Variants in CHST15 observed in about 807,000 individuals in gnomAD.
CHST15 encodes B cell RAG associated protein (GALNAC4S-6ST).
In CHST15, 30 loss-of-function variants were observed where a neutral mutation model predicts 53.6. The ratio of observed to expected loss-of-function variants is 0.56; its 90% CI spans 0.42 to 0.76. The LOEUF is 0.76. CHST15 is among the 30% of genes least tolerant of loss of function. The pLI is 0.00. For missense variants in CHST15, 627 were observed against 740.5 expected (o/e 0.85, Z 1.78); for synonymous variants, 296 against 289.8 (o/e 1.02, Z -0.22).
intron 6 of CHST15, chr10:124,020,899 G>A (rs1222193519): frequency 1.8e-5 from 24 of 1,322,998 alleles, no homozygotes; most frequent in Middle Eastern, 2.8e-4. Flanking sequence ...ACAATCCACC[G>A]CTCAAGAGAA....
At chr10:124,073,961 C>A (rs1207439827) in intron 1 of CHST15, among the ~76,000 whole-genome samples, 3 of 152,224 alleles carry the variant, frequency 2.0e-5, no homozygotes, top group Non-Finnish European at 4.4e-5. Flanking sequence ...TCTTCCCCAG[C>A]CACATCCCGG....
At chr10:124,073,970 G>C (rs542237834) in intron 1 of CHST15, among the ~76,000 whole-genome samples, 1 of 152,160 alleles carries the variant, frequency 6.6e-6, no homozygotes, top group African/African-American at 2.4e-5. Flanking sequence ...GCCACATCCC[G>C]GGCCTGCTCA....
At chr10:124,078,137 T>G (rs1191630642) in intron 1 of CHST15, among the ~76,000 whole-genome samples, 1 of 152,178 alleles carries the variant, frequency 6.6e-6, no homozygotes, top group Non-Finnish European at 1.5e-5. Context: ...ACAAGCCTCT[T>G]GCATTGCAGG....
At chr10:124,040,364 G>A (rs1209445026) in intron 4 of CHST15, among the ~76,000 whole-genome samples, 1 of 152,164 alleles carries the variant, frequency 6.6e-6, no homozygotes. Flanking sequence ...AGACATAAGG[G>A]GGACGATGGC....
intron 1 of CHST15, among the ~76,000 whole-genome samples, chr10:124,091,610 A>T (rs969225559): frequency 6.6e-6 from 1 of 152,236 alleles, no homozygotes; most frequent in Non-Finnish European, 1.5e-5. Flanking sequence ...GCTCAGCCTC[A>T]CTGACCGGCT....
At chr10:124,025,965 A>T in intron 5 of CHST15, among the ~76,000 whole-genome samples, 1 of 152,180 alleles carries the variant, frequency 6.6e-6, no homozygotes, top group Non-Finnish European at 1.5e-5. Context: ...GAATCATAAG[A>T]GACTACATTT....
intron 1 of CHST15, among the ~76,000 whole-genome samples, chr10:124,065,546 T>A (rs894400545): frequency 1.3e-5 from 2 of 152,062 alleles, no homozygotes; most frequent in African/African-American, 4.8e-5. Flanking sequence ...GCCCCAGGCT[T>A]CACTGGCCCT....
Position 124,049,462 on chromosome 10 carries a change from A to AC in CHST15, c.-512-2739dup, listed in dbSNP as rs529009918. Among the ~76,000 whole-genome samples, 33 of 151,988 alleles carry AC rather than the reference A, an allele frequency of 2.2e-4. 1 individual carries two copies. In the South Asian group the frequency reaches 6.7e-3, roughly 31 times the overall value. The stretch of plus-strand genomic sequence containing the variant: ...AGCCTCAGTGAGCAGCTTTCAACAA[A>AC]CCCCCCAAACTCCGGGTAGGGAATA... On this transcript the variant is annotated intron_variant, in intron 1 of 7. Transcript: ENST00000435907.
chr10:124,011,038 T>C (rs1270773664), intron 7 of CHST15: 17 of 982,460 alleles, frequency 1.7e-5, no homozygotes, highest in Non-Finnish European at 2.1e-5. Context: ...CGCCCCGCCC[T>C]CTGGAGTGAG....
rs372003076 is a variant in CHST15 at position 124,021,369 on chromosome 10, C to T, written c.1234G>A (p.Ala412Thr). 119 of 1,613,864 alleles carry T rather than the reference C, an allele frequency of 7.4e-5. No homozygotes were observed. Among genetic ancestry groups the T allele is most frequent in the Middle Eastern group, 1.6e-4 (1 of 6,084 alleles). Reference protein sequence around the residue: ...YLYFASSNKSADDFHEKVTEA... With the variant: ...YLYFASSNKSTDDFHEKVTEA... ...GTCACTTTCTCATGGAAGTCGTCCG[C>T]GGATTTATTCGAACTTGCAAAGTAG... Residue 412 changes from alanine to threonine, a missense_variant, in exon 6 of 8, where the codon GCG becomes ACG. Physicochemically the swap from Ala to Thr is moderately conservative, Grantham distance 58. Around this residue, in one of 3 missense-constraint regions of CHST15, gnomAD observed 279 missense variants for 371.6 expected, o/e 0.75. Coordinates refer to ENST00000435907, the MANE Select transcript of CHST15 (RefSeq NM_001270764.2).
At chr10:124,041,985 C>T (rs1435941746) in intron 4 of CHST15, among the ~76,000 whole-genome samples, 1 of 152,188 alleles carries the variant, frequency 6.6e-6, no homozygotes, top group African/African-American at 2.4e-5. Flanking sequence ...ATCAGTACAT[C>T]AGGAAAAGAA....
At chr10:124,052,618 G>T (rs762659266) in intron 1 of CHST15, among the ~76,000 whole-genome samples, 1 of 152,214 alleles carries the variant, frequency 6.6e-6, no homozygotes, top group Non-Finnish European at 1.5e-5. Flanking sequence ...GTTTGATCTT[G>T]AACAAGATAT....
chr10:124,018,525 C>A (rs1190267482), intron 6 of CHST15, among the ~76,000 whole-genome samples: 1 of 152,236 alleles, frequency 6.6e-6, no homozygotes, highest in African/African-American at 2.4e-5. Context: ...TTCAGATTCG[C>A]CTCTGTGCCC....
intron 5 of CHST15, among the ~76,000 whole-genome samples, chr10:124,035,135 G>A (rs1404878764): frequency 2.2e-5 from 3 of 136,572 alleles, no homozygotes; most frequent in East Asian, 4.2e-4. Flanking sequence ...CAGGGACCCC[G>A]GCTCCGCCCC....
chr10:124,072,930 G>A (rs1353726162), intron 1 of CHST15, among the ~76,000 whole-genome samples: 1 of 152,128 alleles, frequency 6.6e-6, no homozygotes, highest in Non-Finnish European at 1.5e-5. Context: ...GGGAACTTGG[G>A]CAGAGGACAA....
rs1949020426 is a variant in CHST15, at chr10:124,074,718, A to T, written c.-513+18751T>A. 6.6e-6 allele frequency among the ~76,000 whole-genome samples: 1 copy of T among 152,112 alleles called. No homozygotes were observed. Among genetic ancestry groups the T allele is most frequent in the Non-Finnish European group, 1.5e-5 (1 of 68,016 alleles). ...TAGACCACTTCCCGTTCCTGTCCCC[A>T]GCTCATCACAACTGAAATTAAATGA... is the stretch of plus-strand genomic sequence containing the variant. On this transcript the variant is annotated intron_variant, in intron 1 of 7. Coordinates refer to ENST00000435907, the MANE Select transcript of CHST15 (RefSeq NM_001270764.2). This position sits in a 1 kb window ranked among gnomAD's most constrained non-coding sequence, Gnocchi z 4.4.
chr10:124,029,565 G>C (rs1310850540), intron 5 of CHST15, among the ~76,000 whole-genome samples: 1 of 152,174 alleles, frequency 6.6e-6, no homozygotes, highest in East Asian at 1.9e-4. Context: ...CTTCTCAGAG[G>C]CGACACCAAG....
chr10:124,035,511 T>C (rs1329532588), intron 5 of CHST15, among the ~76,000 whole-genome samples: 20 of 87,726 alleles, frequency 2.3e-4, no homozygotes, highest in East Asian at 1.1e-3. Flanking sequence ...CCTGGCTTCA[T>C]CCCCTAACAG....
At chr10:124,022,571 T>C (rs1439107174) in intron 5 of CHST15, among the ~76,000 whole-genome samples, 2 of 152,182 alleles carry the variant, frequency 1.3e-5, no homozygotes, top group Admixed American at 6.5e-5. Context: ...TGTCAAAATA[T>C]TGTTTGTTGA....
Sources: gnomAD v4.1 joint callset for allele counts (sites outside exome capture counted in the v4.1 genomes callset) on GRCh38, gnomAD v4.1.1 for gene constraint, gnomAD v4.1.1 regional missense constraint, Gnocchi (gnomAD v3.1) non-coding constraint, MANE v1.5 for transcripts, NCBI Gene and HGNC (gene_info 2026-07-23, HGNC 2026-07-21) for gene names.